ME3: variants seen among roughly 807,000 people sequenced by gnomAD.
ME3 encodes malic enzyme 3, also known as NADP-dependent malic enzyme, mitochondrial.
In ME3, 48 loss-of-function variants were observed where a neutral mutation model predicts 68.9. The observed-to-expected ratio is 0.70, with a 90% CI of 0.55 to 0.89. ME3 has a LOEUF of 0.89. Ranked by LOEUF, ME3 falls within the 40% of genes least tolerant of loss-of-function variation. ME3 has a pLI of 0.00. For missense variants in ME3, 675 were observed against 797.4 expected (o/e 0.85, Z 1.85); for synonymous variants, 320 against 318.8 (o/e 1.00, Z -0.04).
chr11:86,668,416 T>A (rs938025448), intron 2 of ME3, among the ~76,000 whole-genome samples: 1 of 152,220 alleles, frequency 6.6e-6, no homozygotes, highest in Admixed American at 6.5e-5. Context: ...TTTAAAAAAA[T>A]TGCTGGTAGA....
chr11:86,626,150 C>T (rs2135293568), intron 2 of ME3, among the ~76,000 whole-genome samples: 1 of 152,336 alleles, frequency 6.6e-6, no homozygotes, highest in East Asian at 1.9e-4. Context: ...AAACCTACTC[C>T]TCTATTGTCT....
Position 86,448,978 on chromosome 11 carries a change from G to A in ME3, c.1132-723C>T, listed in dbSNP as rs551026428. On this transcript the variant is annotated intron_variant, in intron 10 of 14. Coordinates refer to ENST00000543262, the Ensembl canonical transcript of ME3. ...GAGGGAAGAGTGGCTGTCTCTGGCA[G>A]CTTACACCTGTGGCCAGATTATGCT... Among the ~76,000 whole-genome samples the A allele has an allele frequency of 1.9e-3, 289 of 152,314 alleles. 4 individuals carry two copies. The highest frequency in any genetic ancestry group is 2.9e-3 in the Non-Finnish European group (197 of 68,020).
chr11:86,560,780 GACCCA>G (rs1333891139), intron 2 of ME3, among the ~76,000 whole-genome samples: 1 of 97,410 alleles, frequency 1.0e-5, no homozygotes, highest in Admixed American at 1.1e-4. Flanking sequence ...ATATTTCCAG[GACCCA>G]TCCAGGATCT....
At chr11:86,599,235 C>A (rs370043056) in intron 2 of ME3, among the ~76,000 whole-genome samples, 3 of 152,238 alleles carry the variant, frequency 2.0e-5, no homozygotes, top group South Asian at 4.1e-4. Context: ...ACTAGAATAA[C>A]CGATACAGAG....
intron 10 of ME3, 94 bp from the exon 11 acceptor site, chr11:86,448,349 G>T: frequency 1.1e-6 from 1 of 912,872 alleles, no homozygotes; most frequent in Non-Finnish European, 1.8e-6. Context: ...GTTTCCTGCT[G>T]AGCCCCATGC....
chr11:86,436,077 C>T, the ME3 span: 1 of 152,194 alleles, frequency 6.6e-6, no homozygotes, highest in Non-Finnish European at 1.5e-5. Flanking sequence ...TTGCTGAATA[C>T]TGGGGCTATG....
At chr11:86,521,678 G>A (rs1036449048) in intron 4 of ME3, among the ~76,000 whole-genome samples, 1 of 152,112 alleles carries the variant, frequency 6.6e-6, no homozygotes, top group South Asian at 2.1e-4. Context: ...GTTTCCCTGT[G>A]TCTTGACACA....
In ME3 at chr11:86,620,215, T is replaced by C. The variant is rs534756586; in HGVS notation, c.183+51547A>G. Among the ~76,000 whole-genome samples, 142 of 152,276 alleles carry C rather than the reference T, an allele frequency of 9.3e-4. 4 individuals are homozygous for C. In the South Asian group the frequency reaches 0.02, roughly 21 times the overall value. ...TATATCCCTATTTTCTTAAACAGAG[T>C]TAATGAATATGAAACAATCTTATCA... is the stretch of plus-strand genomic sequence containing the variant. On this transcript the variant is annotated intron_variant, in intron 2 of 14. Coordinates refer to ENST00000543262, the Ensembl canonical transcript of ME3.
rs967479425 is a variant in ME3 at position 86,446,627 on chromosome 11, ATT to A, written c.1381-142_1381-141del. The A allele has an allele frequency of 3.6e-5, 29 of 803,090 alleles. No homozygotes were observed. The African/African-American group carries it at 4.7e-4, about 13-fold the overall frequency. 49.7% of individuals were successfully genotyped at this position (803,090 alleles called of 1,614,324 possible). On this transcript the variant is annotated intron_variant, in intron 12 of 14. Transcript: ENST00000543262. Reference sequence around the variant, plus strand: ...GCACTGTGCTGAGAACATGGCAGGTATTTAAAGCACATTTGTCATTTGACCAG... The same window carrying A: ...GCACTGTGCTGAGAACATGGCAGGTATAAAGCACATTTGTCATTTGACCAG...
At chr11:86,576,692 T>C (rs896393167) in intron 2 of ME3, among the ~76,000 whole-genome samples, 1 of 149,280 alleles carries the variant, frequency 6.7e-6, no homozygotes, top group African/African-American at 2.5e-5. Context: ...TGCTCCTCAA[T>C]GTGGGCCCAG....
chr11:86,520,412 C>A (rs951721389), intron 4 of ME3, among the ~76,000 whole-genome samples: 1 of 152,206 alleles, frequency 6.6e-6, no homozygotes, highest in African/African-American at 2.4e-5. Flanking sequence ...CATCTCTGAT[C>A]CAGAGTGGTT....
At chr11:86,618,299 C>CAAAAAAAAAAAAAAAAAAAAAAAAA (rs55824426) in intron 2 of ME3, among the ~76,000 whole-genome samples, 1 of 55,934 alleles carries the variant, frequency 1.8e-5, no homozygotes, top group Non-Finnish European at 3.1e-5. Context: ...GGCTCTGTCT[C>CAAAAAAAAAAAAAAAAAAAAAAAAA]AAAAAAAAAA....
intron 2 of ME3, among the ~76,000 whole-genome samples, chr11:86,576,059 T>C (rs1258146855): frequency 6.6e-6 from 1 of 152,174 alleles, no homozygotes; most frequent in Non-Finnish European, 1.5e-5. Flanking sequence ...GGAATAATAA[T>C]CCCTGCTTCA....
At chr11:86,529,626 G>A (rs967229509) in intron 4 of ME3, among the ~76,000 whole-genome samples, 7 of 152,128 alleles carry the variant, frequency 4.6e-5, no homozygotes, top group African/African-American at 1.4e-4. Context: ...CTGGCAAACT[G>A]AATCCAGCAA....
intron 4 of ME3, among the ~76,000 whole-genome samples, chr11:86,527,208 C>T (rs948562607): frequency 2.0e-5 from 3 of 152,222 alleles, no homozygotes; most frequent in East Asian, 1.9e-4. Flanking sequence ...ACGAGAACTA[C>T]GTGACGAATG....
chr11:86,444,818 C>G (rs1323348730), intron 13 of ME3, among the ~76,000 whole-genome samples: 1 of 152,210 alleles, frequency 6.6e-6, no homozygotes, highest in Non-Finnish European at 1.5e-5. Flanking sequence ...ATTATCTTCA[C>G]TAAAAGTACC....
At chr11:86,461,080 C>G (rs1950203478) in intron 8 of ME3, among the ~76,000 whole-genome samples, 1 of 152,218 alleles carries the variant, frequency 6.6e-6, no homozygotes, top group Non-Finnish European at 1.5e-5. Context: ...CACACTGTTT[C>G]AGCAGGGTCT....
At chr11:86,566,787 TTTTC>T (rs1358099071) in intron 2 of ME3, among the ~76,000 whole-genome samples, 1 of 152,172 alleles carries the variant, frequency 6.6e-6, no homozygotes, top group African/African-American at 2.4e-5. Context: ...TTCCTGATGA[TTTTC>T]TTTGACTAGA....
At chr11:86,465,296 T>G in intron 7 of ME3, 96 bp from the exon 8 acceptor site, 26 of 775,070 alleles carry the variant, frequency 3.4e-5, no homozygotes, top group Middle Eastern at 5.4e-4. Context: ...GGTGCAGGCC[T>G]GGGGGTGGGA....
Sources: gnomAD v4.1 joint callset for allele counts (sites outside exome capture counted in the v4.1 genomes callset) on GRCh38, gnomAD v4.1.1 for gene constraint, MANE v1.5 for transcripts, NCBI Gene and HGNC (gene_info 2026-07-23, HGNC 2026-07-21) for gene names.